Variants in BNIP5 observed in about 807,000 individuals in gnomAD.
BNIP5 encodes the protein protein BNIP5.
A neutral mutation model predicts 67.3 loss-of-function variants in BNIP5; 61 were observed. The ratio of observed to expected loss-of-function variants is 0.91; its 90% CI spans 0.74 to 1.12. The LOEUF (loss-of-function observed/expected upper bound fraction) is 1.12. Among genes scored for constraint, BNIP5 ranks in the 50% most tolerant of loss-of-function variants. The probability of loss-of-function intolerance (pLI) is 0.00; values close to 1 mark genes in which losing one functional copy is unlikely to be tolerated. For synonymous variants in BNIP5, 317 were observed against 319.0 expected, an observed-to-expected ratio of 0.99 and a Z score of 0.07; for missense variants, 826 against 816.3, an observed-to-expected ratio of 1.01 and a Z score of -0.14.
chr6:36,330,739 T>C (rs1319187111), intron 1 of BNIP5, 45 bp from the exon 2 acceptor site: 8 of 1,511,176 alleles, frequency 5.3e-6, no homozygotes, highest in Non-Finnish European at 7.0e-6. Context: ...TGTTTGTTTG[T>C]TTTGATTTGT....
chr6:36,317,432 A>G (rs1561879557), intron 11 of BNIP5, 41 bp from the exon 12 acceptor site: 3 of 1,563,944 alleles, frequency 1.9e-6, no homozygotes, highest in East Asian at 4.5e-5. Context: ...CCACAGCTCA[A>G]TTATTTATGG....
chr6:36,326,013 T>A (rs574255992), intron 5 of BNIP5, among the ~76,000 whole-genome samples: 1 of 152,326 alleles, frequency 6.6e-6, no homozygotes, highest in South Asian at 2.1e-4. Context: ...CTCCATGTGA[T>A]GGCTGTGGGG....
chr6:36,318,462 C>T (rs1771565125), intron 11 of BNIP5, among the ~76,000 whole-genome samples: 1 of 151,866 alleles, frequency 6.6e-6, no homozygotes, highest in East Asian at 1.9e-4. Flanking sequence ...AATCCCAGCA[C>T]TTTGGGAGGC....
chr6:36,330,712 A>G lies in BNIP5; in HGVS notation c.-4-18T>C. 6.6e-7 allele frequency: 1 copy of G among 1,526,506 alleles called. No individual in the cohort carries two copies. Among genetic ancestry groups the G allele is most frequent in the Admixed American group, 2.2e-5 (1 of 45,032 alleles). The allele number at this position is 1,526,506 out of a possible 1,614,324, so 94.6% of individuals were successfully genotyped here. On this transcript the variant is annotated intron_variant, in intron 1 of 11. Transcript: ENST00000437635. ...CCATCGGGCTGCAACCAAAACACAC[A>G]GCTCCCTTAGTTTTTTTGTTTGTTT... is the stretch of plus-strand genomic sequence containing the variant.
At chr6:36,325,095 C>T (rs1458821614) in intron 6 of BNIP5, among the ~76,000 whole-genome samples, 188 bp downstream of exon 6, 1 of 152,182 alleles carries the variant, frequency 6.6e-6, no homozygotes, top group East Asian at 1.9e-4. Context: ...CGCCATTTAT[C>T]GAGGTTCAGA....
In BNIP5 at chr6:36,316,371, G is replaced by A. The variant is rs1431626595; in HGVS notation, c.*985C>T. 2.5e-6 allele frequency: 1 copy of A among 397,402 alleles called. No homozygotes were observed. Among genetic ancestry groups the A allele is most frequent in the Non-Finnish European group, 4.4e-6 (1 of 225,940 alleles). 24.6% of individuals were successfully genotyped at this position (397,402 alleles called of 1,614,324 possible). ...ATTGAAACTGTTGAGCTATACAGAA[G>A]GCAGAGCCTCTGGCACCCCCACACT... is the stretch of plus-strand genomic sequence containing the variant. On this transcript the variant is annotated 3_prime_UTR_variant, in exon 12 of 12. Coordinates refer to ENST00000437635, the MANE Select transcript of BNIP5 (RefSeq NM_001010903.5).
At position 36,319,358 on chromosome 6, in the gene BNIP5, G is replaced by A; in HGVS notation, c.1921C>T (p.Pro641Ser). Reference sequence around the variant, plus strand: ...TTGTCTTCCCCGCCCTCTCTCACCGGCTGGTCCTCCCTGTATGGGAACTGG... The same window carrying A: ...TTGTCTTCCCCGCCCTCTCTCACCGACTGGTCCTCCCTGTATGGGAACTGG... Reference protein sequence around the residue: ...CTQFPYREDQPNITSPKVESP... With the variant: ...CTQFPYREDQSNITSPKVESP... Residue 641 changes from proline to serine, a missense_variant and splice_region_variant, in exon 11 of 12, where the codon CCG becomes TCG. Transcript: ENST00000437635. The A allele has an allele frequency of 6.2e-7, 1 of 1,613,486 alleles. No homozygotes were observed. The highest frequency in any genetic ancestry group is 1.1e-5 in the South Asian group (1 of 91,052).
intron 1 of BNIP5, among the ~76,000 whole-genome samples, chr6:36,335,401 C>G (rs924913144): frequency 4.6e-5 from 7 of 152,182 alleles, no homozygotes; most frequent in African/African-American, 1.7e-4. Context: ...CACGTGGACC[C>G]ACAGTCAACA....
chr6:36,331,917 G>A (rs1486051627), intron 1 of BNIP5, among the ~76,000 whole-genome samples: 1 of 152,052 alleles, frequency 6.6e-6, no homozygotes, highest in East Asian at 1.9e-4. Flanking sequence ...ACGGCCCCCT[G>A]TGGTCTCTAG....
In BNIP5 at chr6:36,316,505, A is replaced by T. The variant is rs1268422021; in HGVS notation, c.*851T>A. On this transcript the variant is annotated 3_prime_UTR_variant, in exon 12 of 12. Coordinates refer to ENST00000437635, the MANE Select transcript of BNIP5 (RefSeq NM_001010903.5). The stretch of plus-strand genomic sequence containing the variant: ...CAAATCCACAATGTCTAGGACATGA[A>T]TAGTACCTCCTGGAGTATGGTGCTC... 4 of 398,572 alleles carry T rather than the reference A, an allele frequency of 1.0e-5. No individual in the cohort carries two copies. Among genetic ancestry groups the T allele is most frequent in the African/African-American group, 6.2e-5 (3 of 48,644 alleles). The allele number at this position is 398,572 out of a possible 1,614,324, so 24.7% of individuals were successfully genotyped here.
At chr6:36,329,881 AAGGAGG>A (rs555624788) in intron 2 of BNIP5, among the ~76,000 whole-genome samples, 194 bp downstream of exon 2, 7 of 147,766 alleles carry the variant, frequency 4.7e-5, no homozygotes, top group Non-Finnish European at 8.9e-5. Flanking sequence ...GAGAAAGAAG[AAGGAGG>A]AGGAGGAGGA....
chr6:36,324,006 A>C, intron 7 of BNIP5, 123 bp downstream of exon 7: 1 of 775,122 alleles, frequency 1.3e-6, no homozygotes, highest in Non-Finnish European at 2.2e-6. Context: ...TCTCCAAAAA[A>C]AAAAAAAAAG....
chr6:36,329,867 AAG>A (rs1449577605), intron 2 of BNIP5, among the ~76,000 whole-genome samples: 1 of 150,820 alleles, frequency 6.6e-6, no homozygotes, highest in Non-Finnish European at 1.5e-5. Context: ...GGAAAGAGAA[AAG>A]AGAGAAAGAA....
In BNIP5 at chr6:36,324,166, G is replaced by C. The variant is rs1241464949; in HGVS notation, c.1193C>G (p.Ser398Cys). ...CTGTTCTTCTGCATCTTGGAGCATG[G>C]AAATGATCTTCTGAATGAATTCTTC... ...EYKEFIQKII[S>C]MLQDAEEQQG... The change falls in exon 7 of 12, where the codon TCC becomes TGC. Residue 398 changes from serine (S) to cysteine (C), a missense_variant. Physicochemically the swap from Ser to Cys is moderately radical, Grantham distance 112. Transcript: ENST00000437635. 1 of 1,613,966 alleles carries C rather than the reference G, an allele frequency of 6.2e-7. No individual in the cohort carries two copies. The highest frequency in any genetic ancestry group is 1.1e-5 in the South Asian group (1 of 91,078).
At chr6:36,319,757 C>G in intron 10 of BNIP5, 147 bp from the exon 11 acceptor site, 2 of 909,760 alleles carry the variant, frequency 2.2e-6, no homozygotes, top group South Asian at 1.7e-5. Context: ...CTGCCCCTAG[C>G]CTCTCAGAAT....
chr6:36,333,292 G>A (rs547982687), intron 1 of BNIP5, among the ~76,000 whole-genome samples: 7 of 152,320 alleles, frequency 4.6e-5, no homozygotes, highest in Admixed American at 1.3e-4. Flanking sequence ...AAATCAGGTC[G>A]GGGAGGAGGC....
At chr6:36,334,128 C>T (rs554044308) in intron 1 of BNIP5, among the ~76,000 whole-genome samples, 2 of 152,234 alleles carry the variant, frequency 1.3e-5, no homozygotes, top group Non-Finnish European at 2.9e-5. Context: ...ACACGCTGCT[C>T]CTCCTGATCA....
rs975758949 is a variant in BNIP5, at chr6:36,317,363, G to C, written c.1952C>G (p.Pro651Arg). 2 of 1,613,134 alleles carry C rather than the reference G, an allele frequency of 1.2e-6. No homozygotes were observed. The highest frequency in any genetic ancestry group is 8.5e-7 in the Non-Finnish European group (1 of 1,179,266). ...GAGTGCAAGACACAGCTTTCAATCT[G>C]GACTTTCAACCTTAGGACTTGTGAT... ...PNITSPKVES[P>R]D Residue 651 changes from proline to arginine, a missense_variant, in exon 12 of 12, where the codon CCA (proline) becomes CGA (arginine). Coordinates refer to ENST00000437635, the MANE Select transcript of BNIP5 (RefSeq NM_001010903.5).
rs539286270 is a variant in BNIP5 at position 36,326,527 on chromosome 6, G to C, written c.1019C>G (p.Ser340Cys). The change falls in exon 5 of 12, where the codon TCC becomes TGC. Residue 340 changes from serine to cysteine, a missense_variant. Coordinates refer to ENST00000437635, the MANE Select transcript of BNIP5 (RefSeq NM_001010903.5). The stretch of plus-strand genomic sequence containing the variant: ...CTGCTCACCATAGCTGCTGGAGATG[G>C]AAGGCCGATGGCCGCTGACACACAG... ...LPLCVSGHRP[S>C]ISSSYGLEEP... is the part of the protein sequence containing the mutation. 2.5e-6 allele frequency: 4 copies of C among 1,614,242 alleles called. No individual in the cohort carries two copies. In the East Asian group the frequency reaches 6.7e-5, roughly 27 times the overall value.
Sources: gnomAD v4.1 joint callset for allele counts (sites outside exome capture counted in the v4.1 genomes callset) on GRCh38, gnomAD v4.1.1 for gene constraint, MANE v1.5 for transcripts, NCBI Gene and HGNC (gene_info 2026-07-23, HGNC 2026-07-21) for gene names.